The following ARID1B variants were observed in gnomAD, a reference collection of about 807,000 sequenced individuals.
ARID1B encodes AT-rich interaction domain 1B.
Under a neutral mutation model 212.3 loss-of-function variants are expected in ARID1B, and 30 were observed. The ratio of observed to expected loss-of-function variants is 0.14; its 90% confidence interval spans 0.11 to 0.19. ARID1B has a LOEUF of 0.19. Among genes scored for constraint, ARID1B ranks in the 10% least tolerant of loss-of-function variants. ARID1B has a pLI of 1.00. For missense variants in ARID1B, 2,891 were observed against 3,204.0 expected, an observed-to-expected ratio of 0.90 and a Z score of 2.36; for synonymous variants, 1,402 against 1,301.7, an observed-to-expected ratio of 1.08 and a Z score of -1.66.
intron 2 of ARID1B, among the ~76,000 whole-genome samples, chr6:156,876,647 C>T (rs1786579090): frequency 6.6e-6 from 1 of 152,228 alleles, no homozygotes; most frequent in South Asian, 2.1e-4. Context: ...TCCACTTGAT[C>T]ACTAATTCCT....
At chr6:156,853,871 G>A (rs1784740715) in intron 2 of ARID1B, among the ~76,000 whole-genome samples, 1 of 152,100 alleles carries the variant, frequency 6.6e-6, no homozygotes, top group South Asian at 2.1e-4. Context: ...TGAGGAGCTG[G>A]GACCACAGGC....
chr6:156,882,707 A>G (rs987621405), intron 2 of ARID1B, among the ~76,000 whole-genome samples: 3 of 152,226 alleles, frequency 2.0e-5, no homozygotes, highest in Non-Finnish European at 4.4e-5. Context: ...TTATGGAGGT[A>G]AATGAGATCG....
At chr6:157,007,113 T>G (rs1170746311) in intron 4 of ARID1B, among the ~76,000 whole-genome samples, 1 of 152,186 alleles carries the variant, frequency 6.6e-6, no homozygotes, top group African/African-American at 2.4e-5. Context: ...TGGTATCTTA[T>G]TTAGGCAACT....
At chr6:156,997,882 G>T (rs1004089630) in intron 4 of ARID1B, among the ~76,000 whole-genome samples, 8 of 152,094 alleles carry the variant, frequency 5.3e-5, no homozygotes, top group African/African-American at 1.9e-4. Flanking sequence ...TAAGCATAAA[G>T]ACATCATTAT....
chr6:156,907,384 A>G (rs753056572), intron 3 of ARID1B, among the ~76,000 whole-genome samples: 2 of 152,150 alleles, frequency 1.3e-5, no homozygotes, highest in Non-Finnish European at 2.9e-5. Flanking sequence ...TGAGATGATC[A>G]CTTTGTTTTT....
Position 157,200,662 on chromosome 6 carries a change from T to C in ARID1B, c.4480-43T>C. ...CATAATTTCAGTGTGTGATTATACC[T>C]GTAAGAGCACATCAGGATGATTTGT... is the stretch of plus-strand genomic sequence containing the variant. On this transcript the variant is annotated intron_variant, in intron 17 of 19. Coordinates refer to ENST00000636930, the MANE Select transcript of ARID1B (RefSeq NM_001374828.1). The surrounding 1 kb of genome is among the most constrained non-coding windows in gnomAD (Gnocchi z 4.3). 6.5e-7 allele frequency: 1 copy of C among 1,550,254 alleles called. No homozygotes were observed.
At position 156,995,897 on chromosome 6, in the gene ARID1B, A is replaced by G. The variant is rs190064514; in HGVS notation, c.2247+60321A>G. ...TTACATGGAACATATTACATAGGACATGTTACTCAATCTGGCAACCCTATA... is the reference window on the plus strand; with the variant it reads ...TTACATGGAACATATTACATAGGACGTGTTACTCAATCTGGCAACCCTATA... On this transcript the variant is annotated intron_variant, in intron 4 of 19. Coordinates refer to ENST00000636930, the MANE Select transcript of ARID1B (RefSeq NM_001374828.1). 2.4e-3 allele frequency among the ~76,000 whole-genome samples: 372 copies of G among 152,326 alleles called. 6 individuals are homozygous for G. The highest frequency in any genetic ancestry group is 6.3e-4 in the Non-Finnish European group (43 of 68,022).
intron 10 of ARID1B, among the ~76,000 whole-genome samples, chr6:157,174,531 A>G (rs866711503): frequency 7.4e-5 from 11 of 147,932 alleles, no homozygotes; most frequent in South Asian, 4.2e-4. Flanking sequence ...TAAGGTGAAC[A>G]GCTTTTTTTT....
At chr6:157,162,704 T>C (rs1029793548) in intron 8 of ARID1B, among the ~76,000 whole-genome samples, 10 of 152,212 alleles carry the variant, frequency 6.6e-5, no homozygotes, top group Non-Finnish European at 5.9e-5. Flanking sequence ...AATTTGAACA[T>C]TGCCATTTAA....
chr6:157,132,287 G>A (rs1189405079), intron 6 of ARID1B, among the ~76,000 whole-genome samples: 1 of 152,222 alleles, frequency 6.6e-6, no homozygotes, highest in African/African-American at 2.4e-5. Flanking sequence ...GGCCTTGTGG[G>A]CGTCCCATGT....
At position 157,111,961 on chromosome 6, in the gene ARID1B, G is replaced by A. The variant is rs149937261; in HGVS notation, c.2581+1400G>A. On this transcript the variant is annotated intron_variant, in intron 6 of 19. Transcript: ENST00000636930. ...GGGACGTTTTAAACCTCCATTTTTG[G>A]CAAGTTCTCAGATACTGCTGATGCC... Among the ~76,000 whole-genome samples the A allele has an allele frequency of 8.9e-4, 136 of 152,058 alleles. 1 individual carries two copies. In the East Asian group the frequency reaches 0.025, roughly 28 times the overall value.
intron 6 of ARID1B, 95 bp from the exon 7 acceptor site, chr6:157,132,933 C>T: frequency 1.5e-6 from 2 of 1,342,658 alleles, no homozygotes; most frequent in South Asian, 1.5e-5. Context: ...CAGCCTTCTC[C>T]CCTGCCACCT....
At chr6:157,144,945 C>T (rs1045402955) in intron 7 of ARID1B, among the ~76,000 whole-genome samples, 2 of 152,164 alleles carry the variant, frequency 1.3e-5, no homozygotes, top group African/African-American at 2.4e-5. Context: ...AAAGCAGTGC[C>T]TCTTCACGCC....
chr6:157,206,609 G>T lies in ARID1B; in HGVS notation c.5837G>T (p.Gly1946Val), dbSNP rs1217772904. 1.2e-6 allele frequency: 2 copies of T among 1,613,784 alleles called. No homozygotes were observed. The highest frequency in any genetic ancestry group is 2.7e-5 in the African/African-American group (2 of 74,810). The change falls in exon 20 of 20, where the codon GGG becomes GTG. Residue 1946 changes from glycine to valine, a missense_variant. By Grantham distance (109) the Gly-to-Val change is moderately radical. Around this residue, in one of 7 missense-constraint regions of ARID1B, gnomAD observed 332 missense variants for 369.2 expected, o/e 0.90. Coordinates refer to ENST00000636930, the MANE Select transcript of ARID1B (RefSeq NM_001374828.1). This position sits in a 1 kb window ranked among gnomAD's most constrained non-coding sequence, Gnocchi z 6.8. ...NSGLLHWQLG[G>V]GDTTEHIQTH... ...GGCCTTCTGCACTGGCAGCTCGGCG[G>T]GGGTGACACCACCGAGCACATTCAG...
At chr6:157,125,152 T>C (rs987394917) in intron 6 of ARID1B, among the ~76,000 whole-genome samples, 1 of 152,046 alleles carries the variant, frequency 6.6e-6, no homozygotes, top group African/African-American at 2.4e-5. Flanking sequence ...CAAGAGACAG[T>C]GAATGGTTTT....
chr6:157,118,171 C>G (rs748300183), intron 6 of ARID1B, among the ~76,000 whole-genome samples: 3 of 152,142 alleles, frequency 2.0e-5, no homozygotes, highest in Admixed American at 6.6e-5. Context: ...AATAGATTAA[C>G]AAGTCAGTAC....
intron 5 of ARID1B, among the ~76,000 whole-genome samples, chr6:157,086,908 C>T (rs952553522): frequency 2.0e-5 from 3 of 152,192 alleles, no homozygotes; most frequent in Non-Finnish European, 4.4e-5. Context: ...ACTGCAGATG[C>T]GTGCGGACGG....
At chr6:156,972,907 A>G (rs1444258635) in intron 4 of ARID1B, among the ~76,000 whole-genome samples, 2 of 152,268 alleles carry the variant, frequency 1.3e-5, no homozygotes, top group African/African-American at 4.8e-5. Context: ...ATTGAAAGAA[A>G]TAAAGTTAAA....
intron 4 of ARID1B, among the ~76,000 whole-genome samples, chr6:156,967,964 G>A (rs1436461620): frequency 6.6e-6 from 1 of 152,034 alleles, no homozygotes; most frequent in Non-Finnish European, 1.5e-5. Context: ...GTAGACTTTC[G>A]GGGTACTGAA....
Sources: allele counts gnomAD v4.1 joint callset (sites outside exome capture counted in the v4.1 genomes callset), GRCh38; gene constraint gnomAD v4.1.1; regional missense constraint gnomAD v4.1.1; non-coding constraint Gnocchi (gnomAD v3.1); transcripts MANE v1.5; gene names NCBI Gene and HGNC (gene_info 2026-07-23, HGNC 2026-07-21).